The following BTRC variants were observed in gnomAD, a reference collection of about 807,000 sequenced individuals.
BTRC encodes F-box/WD repeat-containing protein 1A.
A neutral mutation model predicts 85.5 loss-of-function variants in BTRC; 42 were observed. The observed-to-expected ratio is 0.49, with a 90% CI of 0.38 to 0.64. The LOEUF (loss-of-function observed/expected upper bound fraction) is 0.64, where lower values mean the gene tolerates loss of function less well. Ranked by LOEUF, BTRC falls within the 30% of genes least tolerant of loss-of-function variation. The pLI is 0.00. For synonymous variants in BTRC, 255 were observed against 263.3 expected (o/e 0.97, Z 0.30); for missense variants, 594 against 743.5 (o/e 0.80, Z 2.34).
At chr10:101,525,574 C>T (rs940654481) in intron 5 of BTRC, among the ~76,000 whole-genome samples, 1 of 152,006 alleles carries the variant, frequency 6.6e-6, no homozygotes, top group African/African-American at 2.4e-5. Flanking sequence ...TTTCTTTTAC[C>T]GAACAGCTTT....
intron 1 of BTRC, among the ~76,000 whole-genome samples, chr10:101,386,673 G>A (rs1050492569): frequency 6.6e-6 from 1 of 152,174 alleles, no homozygotes; most frequent in Non-Finnish European, 1.5e-5. Context: ...ACTTGCCAGT[G>A]TCACAATTGA....
intron 4 of BTRC, among the ~76,000 whole-genome samples, chr10:101,505,179 T>A (rs865942003): frequency 3.3e-3 from 133 of 40,376 alleles, no homozygotes; most frequent in Middle Eastern, 0.021. Flanking sequence ...ATATATATAT[T>A]TTTTAGTAGA....
At chr10:101,501,106 T>C (rs1314962798) in intron 4 of BTRC, among the ~76,000 whole-genome samples, 4 of 151,832 alleles carry the variant, frequency 2.6e-5, no homozygotes, top group East Asian at 1.9e-4. Flanking sequence ...TGAGGCAGAA[T>C]TGCCTGAACC....
chr10:101,443,172 G>A (rs1047015665), intron 2 of BTRC, among the ~76,000 whole-genome samples: 10 of 152,070 alleles, frequency 6.6e-5, no homozygotes, highest in Non-Finnish European at 1.3e-4. Flanking sequence ...ATGAGCCACC[G>A]TGCCTGGCCT....
chr10:101,507,254 A>G (rs1019787042), intron 4 of BTRC, among the ~76,000 whole-genome samples: 41 of 152,302 alleles, frequency 2.7e-4, no homozygotes, highest in African/African-American at 8.9e-4. Flanking sequence ...ACCAGTAATA[A>G]GCTGTCGGTT....
intron 2 of BTRC, among the ~76,000 whole-genome samples, chr10:101,431,768 A>G (rs1310913590): frequency 6.6e-6 from 1 of 152,206 alleles, no homozygotes; most frequent in East Asian, 1.9e-4. Flanking sequence ...TTAATTTTTA[A>G]TGATACTATT....
chr10:101,502,926 T>G (rs1165991403), intron 4 of BTRC, among the ~76,000 whole-genome samples: 1 of 152,182 alleles, frequency 6.6e-6, no homozygotes, highest in Non-Finnish European at 1.5e-5. Flanking sequence ...TTACAATCCT[T>G]TTTAGTTAAA....
chr10:101,380,971 G>T (rs7899747), intron 1 of BTRC, among the ~76,000 whole-genome samples: 1 of 151,932 alleles, frequency 6.6e-6, no homozygotes, highest in South Asian at 2.1e-4. Flanking sequence ...GTAACACAAT[G>T]GTATTTGTAT....
At chr10:101,532,785 T>C (rs764931406) in intron 8 of BTRC, among the ~76,000 whole-genome samples, 167 bp from the exon 9 acceptor site, 7,670 of 34,254 alleles carry the variant, frequency 0.22, 281 homozygotes, top group South Asian at 0.26. Flanking sequence ...TGTGTGTGTG[T>C]GTGTGCGCGT....
upstream of BTRC, chr10:101,354,102 A>G: frequency 8.7e-6 from 13 of 1,499,004 alleles, no homozygotes; most frequent in South Asian, 1.1e-4. Flanking sequence ...AGGAGGCGGG[A>G]TCCGGGCGCT....
At position 101,366,966 on chromosome 10, in the gene BTRC, A is replaced by ATTT. The variant is rs1197730152; in HGVS notation, c.48+12738_48+12739insTTT. Among the ~76,000 whole-genome samples the ATTT allele has an allele frequency of 1.1e-3, 46 of 40,724 alleles. 4 individuals are homozygous for ATTT. Among genetic ancestry groups the ATTT allele is most frequent in the African/African-American group, 3.1e-3 (44 of 14,264 alleles). 26.7% of individuals were successfully genotyped at this position (40,724 alleles called of 152,430 possible). A position where few individuals can be genotyped will look rare whatever the true frequency, so the allele number is the denominator to read the frequency against. ...TATATATTTATATATATATTTATAT[A>ATTT]AATATATATTTATATATTTATATAT... On this transcript the variant is annotated intron_variant, in intron 1 of 14. Transcript: ENST00000370187.
chr10:101,450,016 G>A (rs1944920102), intron 2 of BTRC, among the ~76,000 whole-genome samples: 1 of 150,158 alleles, frequency 6.7e-6, no homozygotes, highest in African/African-American at 2.4e-5. Context: ...AAAACTACTT[G>A]AAAGGGTAAG....
At chr10:101,460,517 G>A (rs1359705080) in intron 2 of BTRC, among the ~76,000 whole-genome samples, 2 of 152,036 alleles carry the variant, frequency 1.3e-5, no homozygotes, top group African/African-American at 2.4e-5. Flanking sequence ...ACTTTTACAA[G>A]GGATCATCAC....
At chr10:101,357,562 C>T (rs1356311397) in intron 1 of BTRC, among the ~76,000 whole-genome samples, 1 of 151,400 alleles carries the variant, frequency 6.6e-6, no homozygotes, top group Admixed American at 6.6e-5. Flanking sequence ...TGGCTTTGTT[C>T]TGGTCTTAAC....
intron 5 of BTRC, among the ~76,000 whole-genome samples, chr10:101,525,018 A>C (rs1469584055): frequency 6.6e-6 from 1 of 152,236 alleles, no homozygotes; most frequent in Non-Finnish European, 1.5e-5. Flanking sequence ...AGTATGAAGG[A>C]ATCCTTCTGA....
At position 101,554,381 on chromosome 10, in the gene BTRC, A is replaced by C. The variant is rs184229997; in HGVS notation, c.*1258A>C. 1 of 152,434 alleles carries C rather than the reference A, an allele frequency of 6.6e-6. No individual in the cohort carries two copies. Among genetic ancestry groups the C allele is most frequent in the East Asian group, 1.9e-4 (1 of 5,196 alleles). 9.4% of individuals were successfully genotyped at this position (152,434 alleles called of 1,614,324 possible). On this transcript the variant is annotated 3_prime_UTR_variant, in exon 15 of 15. Transcript: ENST00000370187. ...CCAAGACCGTGATCAAGGTAGCTTA[A>C]GAGAGATGGTCAGGAGAAAACACTG...
chr10:101,379,612 A>G (rs1942878732), intron 1 of BTRC, among the ~76,000 whole-genome samples: 1 of 152,106 alleles, frequency 6.6e-6, no homozygotes, highest in Non-Finnish European at 1.5e-5. Context: ...GGTTCTGTTA[A>G]GTGTAGGAAT....
chr10:101,413,118 G>A (rs1943827805), intron 1 of BTRC, among the ~76,000 whole-genome samples: 1 of 152,084 alleles, frequency 6.6e-6, no homozygotes, highest in African/African-American at 2.4e-5. Context: ...TGGTTTTTTT[G>A]TTTGTTTGTT....
chr10:101,458,895 GA>G (rs1176501496), intron 2 of BTRC, among the ~76,000 whole-genome samples: 31 of 152,086 alleles, frequency 2.0e-4, no homozygotes, highest in Non-Finnish European at 2.1e-4. Context: ...GTATCTTATA[GA>G]AAAAATATTT....
Sources: gnomAD v4.1 joint callset for allele counts (sites outside exome capture counted in the v4.1 genomes callset) on GRCh38, gnomAD v4.1.1 for gene constraint, MANE v1.5 for transcripts, NCBI Gene and HGNC (gene_info 2026-07-23, HGNC 2026-07-21) for gene names.